CSMD1: variants seen among roughly 807,000 people sequenced by gnomAD.
The protein encoded by CSMD1 is CUB and Sushi multiple domains 1.
In CSMD1, 213 loss-of-function variants were observed where a neutral mutation model predicts 417.5. That is an observed-to-expected ratio of 0.51 (90% CI 0.46 to 0.57). The LOEUF (loss-of-function observed/expected upper bound fraction) is 0.57, where lower values mean the gene tolerates loss of function less well. CSMD1 is among the 20% of genes least tolerant of loss of function. CSMD1 has a pLI of 0.00. For missense variants in CSMD1, 6,923 were observed against 4,529.7 expected, an observed-to-expected ratio of 1.53 and a Z score of -15.17; for synonymous variants, 2,862 against 1,736.8, an observed-to-expected ratio of 1.65 and a Z score of -16.11.
At chr8:3,909,903 A>G (rs1808350674) in intron 5 of CSMD1, among the ~76,000 whole-genome samples, 2 of 152,226 alleles carry the variant, frequency 1.3e-5, no homozygotes, top group Non-Finnish European at 1.5e-5. Context: ...TAAGCCCTGT[A>G]TTAAAGCTGC....
chr8:4,153,183 G>C (rs933473389), intron 3 of CSMD1, among the ~76,000 whole-genome samples: 3 of 152,188 alleles, frequency 2.0e-5, no homozygotes, highest in Non-Finnish European at 2.9e-5. Flanking sequence ...GATAAGCAGA[G>C]CCCAGTTCCT....
intron 5 of CSMD1, among the ~76,000 whole-genome samples, chr8:3,911,548 AG>A (rs1808471235): frequency 1.4e-5 from 2 of 142,934 alleles, no homozygotes; most frequent in Non-Finnish European, 3.0e-5. Flanking sequence ...AAAAAAAAAA[AG>A]AAGAAGAAGA....
intron 12 of CSMD1, among the ~76,000 whole-genome samples, chr8:3,458,624 C>T (rs563212189): frequency 3.3e-4 from 51 of 152,284 alleles, no homozygotes; most frequent in African/African-American, 1.2e-3. Context: ...GACAACGGAA[C>T]GCTAGTTGGC....
At chr8:3,385,345 T>A (rs1412625951) in intron 18 of CSMD1, among the ~76,000 whole-genome samples, 3 of 74,636 alleles carry the variant, frequency 4.0e-5, no homozygotes, top group Non-Finnish European at 8.3e-5. Context: ...TTTTTTGTGT[T>A]TTTGTGTTTT....
At chr8:3,077,700 C>T (rs1383022643) in intron 49 of CSMD1, among the ~76,000 whole-genome samples, 12 of 152,250 alleles carry the variant, frequency 7.9e-5, no homozygotes, top group Admixed American at 2.0e-4. Context: ...GCCCCGACCC[C>T]GGCTTGCCTA....
intron 1 of CSMD1, among the ~76,000 whole-genome samples, chr8:4,692,927 G>C (rs2116772594): frequency 6.6e-6 from 1 of 152,256 alleles, no homozygotes; most frequent in South Asian, 2.1e-4. Context: ...TCCCAGTTTT[G>C]CCTCATTGAC....
intron 1 of CSMD1, among the ~76,000 whole-genome samples, chr8:4,886,040 G>C (rs964325134): frequency 1.3e-5 from 2 of 151,926 alleles, no homozygotes; most frequent in Non-Finnish European, 2.9e-5. Context: ...GTCCAGGCTG[G>C]ACTGCAGTGG....
chr8:4,101,679 T>G (rs1264409171), intron 3 of CSMD1, among the ~76,000 whole-genome samples: 2 of 152,214 alleles, frequency 1.3e-5, no homozygotes, highest in Admixed American at 6.5e-5. Context: ...TTTATGAAAG[T>G]GATGGTAACC....
intron 9 of CSMD1, among the ~76,000 whole-genome samples, chr8:3,581,667 T>C (rs572629211): frequency 2.4e-4 from 37 of 152,336 alleles, no homozygotes; most frequent in Non-Finnish European, 4.3e-4. Context: ...ATGGACCTGA[T>C]GTTCAGACCA....
chr8:4,768,034 T>C (rs760662995), intron 1 of CSMD1, among the ~76,000 whole-genome samples: 4 of 152,132 alleles, frequency 2.6e-5, no homozygotes, highest in Non-Finnish European at 5.9e-5. Flanking sequence ...ACACATGCGT[T>C]GAGTTAGTCT....
At chr8:3,579,601 T>G (rs933204058) in intron 9 of CSMD1, among the ~76,000 whole-genome samples, 7 of 152,176 alleles carry the variant, frequency 4.6e-5, no homozygotes, top group Admixed American at 2.6e-4. Flanking sequence ...TGAACCATAA[T>G]GAAGATAATA....
chr8:2,977,327 T>C (rs1033833487), intron 55 of CSMD1, among the ~76,000 whole-genome samples: 6 of 152,192 alleles, frequency 3.9e-5, no homozygotes, highest in African/African-American at 9.7e-5. Flanking sequence ...GTTCAGCTCC[T>C]ACTTATAAGT....
intron 3 of CSMD1, among the ~76,000 whole-genome samples, chr8:4,341,374 A>C (rs1800469113): frequency 6.6e-6 from 1 of 152,126 alleles, no homozygotes; most frequent in South Asian, 2.1e-4. Context: ...CTATCGCAGG[A>C]AATAATTTAG....
At chr8:4,292,315 C>T (rs971368023) in intron 3 of CSMD1, among the ~76,000 whole-genome samples, 1 of 152,062 alleles carries the variant, frequency 6.6e-6, no homozygotes, top group African/African-American at 2.4e-5. Context: ...TGCAGTGTCG[C>T]GACCTGGGCT....
At chr8:4,495,406 T>G (rs906721246) in intron 2 of CSMD1, among the ~76,000 whole-genome samples, 3 of 152,070 alleles carry the variant, frequency 2.0e-5, no homozygotes, top group African/African-American at 7.2e-5. Flanking sequence ...AAACCCCATC[T>G]CTACTAAAAA....
rs117039508 is a variant in CSMD1 at position 3,352,533 on chromosome 8, A to C, written c.3305-4372T>G. 5.9e-3 allele frequency among the ~76,000 whole-genome samples: 891 copies of C among 152,238 alleles called. 11 individuals carry two copies. Among genetic ancestry groups the C allele is most frequent in the East Asian group, 0.05 (261 of 5,176 alleles). ...GGTCTATTTGTCACTTACACAGTGC[A>C]TGTTCTTATTACTATTACATCATTG... On this transcript the variant is annotated intron_variant, in intron 21 of 69. Transcript: ENST00000635120.
At chr8:3,212,452 G>A (rs913741044) in intron 30 of CSMD1, among the ~76,000 whole-genome samples, 2 of 152,042 alleles carry the variant, frequency 1.3e-5, no homozygotes, top group Non-Finnish European at 2.9e-5. Context: ...AGGCTCCAGC[G>A]ATCCTCCTAC....
chr8:4,768,926 T>C (rs1364094358), intron 1 of CSMD1, among the ~76,000 whole-genome samples: 1 of 152,192 alleles, frequency 6.6e-6, no homozygotes, highest in Non-Finnish European at 1.5e-5. Flanking sequence ...ACGTTATTGA[T>C]TCCTCACCAT....
chr8:4,994,467 GCAGGGCTATGAGCGGAGCCAA>G lies in CSMD1; in HGVS notation c.-72_-52del. 1 of 1,522,642 alleles carries G rather than the reference GCAGGGCTATGAGCGGAGCCAA, an allele frequency of 6.6e-7. No homozygotes were observed. Among genetic ancestry groups the G allele is most frequent in the Non-Finnish European group, 9.0e-7 (1 of 1,106,254 alleles). The allele number at this position is 1,522,642 out of a possible 1,614,324, so 94.3% of individuals were successfully genotyped here. ...GACACCGATGGCTCCTCCGAGGAAG[GCAGGGCTATGAGCGGAGCCAA>G]ATAATCACCCGAGGGCAAGGCGAGC... On this transcript the variant is annotated 5_prime_UTR_variant, in exon 1 of 70. An upstream open reading frame in the 5' UTR loses its in-frame stop. Transcript: ENST00000635120.
Sources: gnomAD v4.1 joint callset for allele counts (sites outside exome capture counted in the v4.1 genomes callset) on GRCh38, gnomAD v4.1.1 for gene constraint, MANE v1.5 for transcripts, NCBI Gene and HGNC (gene_info 2026-07-23, HGNC 2026-07-21) for gene names.